ARHGAP10: variants seen among roughly 807,000 people sequenced by gnomAD.
The protein encoded by ARHGAP10 is Rho GTPase activating protein 10.
ARHGAP10 carries 87 observed loss-of-function variants against 108.6 expected under a neutral mutation model. The observed-to-expected ratio is 0.80, with a 90% CI of 0.67 to 0.96. The LOEUF (loss-of-function observed/expected upper bound fraction) is 0.96. ARHGAP10 is among the 40% of genes least tolerant of loss of function. ARHGAP10 has a pLI of 0.00. For synonymous variants in ARHGAP10, 347 were observed against 341.1 expected, an observed-to-expected ratio of 1.02 and a Z score of -0.19; for missense variants, 939 against 954.5, an observed-to-expected ratio of 0.98 and a Z score of 0.21.
At position 147,869,183 on chromosome 4, in the gene ARHGAP10, C is replaced by T. The variant is rs562699889; in HGVS notation, c.702+2367C>T. On this transcript the variant is annotated intron_variant, in intron 7 of 22. Coordinates refer to ENST00000336498, the MANE Select transcript of ARHGAP10 (RefSeq NM_024605.4). ...TTGATCATTAAAGCAAGCAGAAGCTCTTCTGAGCGCAGGGCCCTGTGGACT... is the reference window on the plus strand; with the variant it reads ...TTGATCATTAAAGCAAGCAGAAGCTTTTCTGAGCGCAGGGCCCTGTGGACT... 4.6e-4 allele frequency among the ~76,000 whole-genome samples: 70 copies of T among 152,214 alleles called. 1 individual carries two copies. Among genetic ancestry groups the T allele is most frequent in the African/African-American group, 1.5e-3 (63 of 41,506 alleles).
At chr4:147,948,318 C>G (rs950657890) in intron 15 of ARHGAP10, among the ~76,000 whole-genome samples, 2 of 150,800 alleles carry the variant, frequency 1.3e-5, no homozygotes, top group African/African-American at 4.9e-5. Flanking sequence ...TTTAAAAAGT[C>G]AGTCAAAATA....
At chr4:147,800,189 CGTA>C (rs1560765759) in intron 1 of ARHGAP10, among the ~76,000 whole-genome samples, 1 of 152,164 alleles carries the variant, frequency 6.6e-6, no homozygotes, top group Non-Finnish European at 1.5e-5. Context: ...GTGGGGGAAA[CGTA>C]GTCTCAGGAC....
intron 18 of ARHGAP10, among the ~76,000 whole-genome samples, chr4:148,018,220 A>G (rs762680323): frequency 1.3e-4 from 20 of 152,168 alleles, no homozygotes; most frequent in Admixed American, 5.2e-4. Flanking sequence ...ATTGCTTAAG[A>G]TGAGTTCATC....
chr4:148,069,898 G>A (rs1326245489), intron 22 of ARHGAP10, among the ~76,000 whole-genome samples: 1 of 152,214 alleles, frequency 6.6e-6, no homozygotes, highest in Non-Finnish European at 1.5e-5. Context: ...CACACTAGTA[G>A]CACTGCCAGC....
chr4:147,773,732 A>ATGGGGTAAAGAGAAGATTCT (rs1730170804), intron 1 of ARHGAP10, among the ~76,000 whole-genome samples: 1 of 152,206 alleles, frequency 6.6e-6, no homozygotes, highest in Non-Finnish European at 1.5e-5. Flanking sequence ...GGGAATCCCT[A>ATGGGGTAAAGAGAAGATTCT]TGGGGTAAAG....
chr4:147,912,240 C>G (rs969713389), intron 12 of ARHGAP10, among the ~76,000 whole-genome samples: 2 of 151,710 alleles, frequency 1.3e-5, no homozygotes, highest in East Asian at 3.9e-4. Context: ...AGCAAGTGCT[C>G]TAAATATATG....
intron 8 of ARHGAP10, among the ~76,000 whole-genome samples, chr4:147,875,726 A>T (rs1316770151): frequency 6.6e-6 from 1 of 152,204 alleles, no homozygotes; most frequent in Admixed American, 6.5e-5. Flanking sequence ...GTGATAAAAG[A>T]TATTCCTACG....
At chr4:147,974,488 C>A (rs1739522127) in intron 18 of ARHGAP10, among the ~76,000 whole-genome samples, 1 of 151,966 alleles carries the variant, frequency 6.6e-6, no homozygotes, top group South Asian at 2.1e-4. Flanking sequence ...GAAAAATTGG[C>A]AATTTATAAA....
chr4:147,820,563 G>A (rs1022735905), intron 1 of ARHGAP10, among the ~76,000 whole-genome samples: 1 of 147,396 alleles, frequency 6.8e-6, no homozygotes, highest in African/African-American at 2.5e-5. Flanking sequence ...TGTTACAGGC[G>A]TGGGCTACCT....
intron 4 of ARHGAP10, among the ~76,000 whole-genome samples, chr4:147,850,054 A>T (rs996860133): frequency 2.0e-5 from 3 of 152,176 alleles, no homozygotes; most frequent in African/African-American, 7.2e-5. Flanking sequence ...TAAATGCACC[A>T]ATCAGCACTC....
At chr4:147,913,738 A>T (rs1736848107) in intron 13 of ARHGAP10, among the ~76,000 whole-genome samples, 1 of 152,202 alleles carries the variant, frequency 6.6e-6, no homozygotes, top group African/African-American at 2.4e-5. Context: ...AGGGGGATAC[A>T]GTTCAGCCCA....
chr4:147,797,702 C>T (rs942738068), intron 1 of ARHGAP10, among the ~76,000 whole-genome samples: 5 of 152,160 alleles, frequency 3.3e-5, no homozygotes, highest in African/African-American at 4.8e-5. Context: ...TGAGCCGTTG[C>T]GCCTGGCCAG....
intron 1 of ARHGAP10, among the ~76,000 whole-genome samples, chr4:147,789,559 A>G (rs1034275232): frequency 6.6e-6 from 1 of 152,216 alleles, no homozygotes; most frequent in Non-Finnish European, 1.5e-5. Context: ...GGCGTGAGCC[A>G]CCATGCCCGG....
At chr4:147,911,937 GTT>G (rs11365271) in intron 12 of ARHGAP10, among the ~76,000 whole-genome samples, 92 of 142,766 alleles carry the variant, frequency 6.4e-4, no homozygotes, top group East Asian at 1.8e-3. Context: ...TTCCTCCTAG[GTT>G]TTTTTTTTTT....
At chr4:147,818,565 C>CAA (rs5862813) in intron 1 of ARHGAP10, among the ~76,000 whole-genome samples, 7 of 105,298 alleles carry the variant, frequency 6.6e-5, no homozygotes, top group East Asian at 2.6e-4. Flanking sequence ...AAACTGTCAC[C>CAA]AAAAAAAAAA....
chr4:147,828,660 A>G lies in ARHGAP10; in HGVS notation c.312+5703A>G, dbSNP rs551705821. Among the ~76,000 whole-genome samples the G allele has an allele frequency of 3.3e-5, 5 of 152,310 alleles. No individual in the cohort carries two copies. In the South Asian group the frequency reaches 1.0e-3, roughly 32 times the overall value. On this transcript the variant is annotated intron_variant, in intron 3 of 22. Transcript: ENST00000336498. ...TTAGCTATGTCTGGTTTCCTCCTTG[A>G]GGGGAAACTGTTGAAATTTCGAAAA...
intron 1 of ARHGAP10, among the ~76,000 whole-genome samples, chr4:147,803,121 G>A (rs1409658099): frequency 6.6e-6 from 1 of 151,958 alleles, no homozygotes; most frequent in Non-Finnish European, 1.5e-5. Flanking sequence ...CGATGCTCAT[G>A]CCTCAGCCTC....
At chr4:148,016,975 AT>A (rs1471212022) in intron 18 of ARHGAP10, among the ~76,000 whole-genome samples, 6 of 147,030 alleles carry the variant, frequency 4.1e-5, no homozygotes, top group Non-Finnish European at 7.4e-5. Context: ...GTGAAACCTC[AT>A]CTCTATTAAA....
At chr4:147,732,592 C>G (rs558072889) in intron 1 of ARHGAP10, 137 bp downstream of exon 1, 1 of 1,263,888 alleles carries the variant, frequency 7.9e-7, no homozygotes, top group African/African-American at 1.6e-5. Context: ...ACCAGCCCAG[C>G]TCTCTCGGAA....
Sources: allele counts gnomAD v4.1 joint callset (sites outside exome capture counted in the v4.1 genomes callset), GRCh38; gene constraint gnomAD v4.1.1; transcripts MANE v1.5; gene names NCBI Gene and HGNC (gene_info 2026-07-23, HGNC 2026-07-21).